The following NXPH1 variants were observed in gnomAD, a reference collection of about 807,000 sequenced individuals.
NXPH1 encodes the protein neurexophilin-1.
In NXPH1, 5 loss-of-function variants were observed where a neutral mutation model predicts 23.7. The ratio of observed to expected loss-of-function variants is 0.21; its 90% CI spans 0.11 to 0.44. NXPH1 has a LOEUF of 0.44. NXPH1 is among the 20% of genes least tolerant of loss of function. The probability of loss-of-function intolerance (pLI) is 0.99; values close to 1 mark genes in which losing one functional copy is unlikely to be tolerated. For synonymous variants in NXPH1, 144 were observed against 122.2 expected, an observed-to-expected ratio of 1.18 and a Z score of -1.18; for missense variants, 324 against 321.6, an observed-to-expected ratio of 1.01 and a Z score of -0.06.
chr7:8,709,188 T>C (rs1219907554), intron 2 of NXPH1, among the ~76,000 whole-genome samples: 6 of 152,368 alleles, frequency 3.9e-5, no homozygotes, highest in Non-Finnish European at 7.4e-5. Context: ...GTTGATCTCA[T>C]TTCCCTATCT....
intron 2 of NXPH1, among the ~76,000 whole-genome samples, chr7:8,491,514 A>C (rs1817247384): frequency 6.6e-6 from 1 of 152,060 alleles, no homozygotes; most frequent in Non-Finnish European, 1.5e-5. Flanking sequence ...TTACATCACG[A>C]TCTCCATTTG....
At position 8,751,169 on chromosome 7, in the gene NXPH1, G is replaced by T; in HGVS notation, c.216G>T (p.Leu72Phe). The stretch of plus-strand genomic sequence containing the variant: ...GTGGCAAAGAGAATGATACAGATTT[G>T]GACCTGAGATATGACACCCCAGAAC... ...TFRGKENDTD[L>F]DLRYDTPEPY... Residue 72 changes from leucine to phenylalanine, a missense_variant, in exon 3 of 3, where the codon TTG (leucine) becomes TTT (phenylalanine). By Grantham distance (22) the Leu-to-Phe change is conservative. Coordinates refer to ENST00000405863, the MANE Select transcript of NXPH1 (RefSeq NM_152745.3). This position sits in a 1 kb window ranked among gnomAD's most constrained non-coding sequence, Gnocchi z 4.5. 1 of 1,613,814 alleles carries T rather than the reference G, an allele frequency of 6.2e-7. No homozygotes were observed. The highest frequency in any genetic ancestry group is 8.5e-7 in the Non-Finnish European group (1 of 1,179,808).
In NXPH1 at chr7:8,435,692, A is replaced by G. The variant is rs753570908; in HGVS notation, c.-22A>G. On this transcript the variant is annotated 5_prime_UTR_variant, in exon 2 of 3. Coordinates refer to ENST00000405863, the MANE Select transcript of NXPH1 (RefSeq NM_152745.3). This position sits in a 1 kb window ranked among gnomAD's most constrained non-coding sequence, Gnocchi z 5.9. ...CAAAGACTCAAAGAAGGCACCGCCA[A>G]GGAAGTTTGAGACGCGGGAGAATGC... 5 of 1,613,242 alleles carry G rather than the reference A, an allele frequency of 3.1e-6. No homozygotes were observed. The highest frequency in any genetic ancestry group is 1.7e-5 in the Admixed American group (1 of 60,024).
chr7:8,692,003 T>C (rs1482956618), intron 2 of NXPH1, among the ~76,000 whole-genome samples: 1 of 151,962 alleles, frequency 6.6e-6, no homozygotes, highest in Non-Finnish European at 1.5e-5. Flanking sequence ...GAGATACTTT[T>C]CTAGTCTGTA....
intron 2 of NXPH1, among the ~76,000 whole-genome samples, chr7:8,681,885 T>C (rs1378289047): frequency 6.6e-6 from 1 of 152,202 alleles, no homozygotes; most frequent in Non-Finnish European, 1.5e-5. Context: ...CCAGCCCATA[T>C]GTGCGTCATT....
intron 2 of NXPH1, among the ~76,000 whole-genome samples, chr7:8,603,363 A>G (rs1583185834): frequency 6.6e-6 from 1 of 152,144 alleles, no homozygotes; most frequent in Non-Finnish European, 1.5e-5. Context: ...GTTCTTAGTG[A>G]CCTCAATAGC....
intron 2 of NXPH1, among the ~76,000 whole-genome samples, chr7:8,684,296 C>T (rs1286391357): frequency 6.6e-6 from 1 of 152,160 alleles, no homozygotes; most frequent in Non-Finnish European, 1.5e-5. Flanking sequence ...TGTTTCCTCA[C>T]ACCAGAGCTT....
At chr7:8,559,934 GAT>G (rs2128620605) in intron 2 of NXPH1, among the ~76,000 whole-genome samples, 1 of 151,786 alleles carries the variant, frequency 6.6e-6, no homozygotes, top group East Asian at 2.0e-4. Flanking sequence ...TGACATGAAA[GAT>G]TGCCAGAATC....
chr7:8,434,106 AC>A lies in NXPH1; in HGVS notation c.-758del. 6.6e-6 allele frequency: 1 copy of A among 152,266 alleles called. No homozygotes were observed. Among genetic ancestry groups the A allele is most frequent in the East Asian group, 1.9e-4 (1 of 5,156 alleles). 9.4% of individuals were successfully genotyped at this position (152,266 alleles called of 1,614,324 possible). A position where few individuals can be genotyped will look rare whatever the true frequency, so the allele number is the denominator to read the frequency against. On this transcript the variant is annotated 5_prime_UTR_variant, in exon 1 of 3. Transcript: ENST00000405863. This position sits in a 1 kb window ranked among gnomAD's most constrained non-coding sequence, Gnocchi z 7.6. The stretch of plus-strand genomic sequence containing the variant: ...GACAGCGCCCGGGACTCCACTGGGG[AC>A]CGGCTCCTGGGCTTCCCAGCGTCGC...
chr7:8,528,869 A>G (rs1047929496), intron 2 of NXPH1, among the ~76,000 whole-genome samples: 1 of 152,224 alleles, frequency 6.6e-6, no homozygotes, highest in African/African-American at 2.4e-5. Context: ...GCAGTTTAAA[A>G]CAACACATAT....
chr7:8,634,676 T>G (rs59335844), intron 2 of NXPH1, among the ~76,000 whole-genome samples: 82 of 82,014 alleles, frequency 1.0e-3, no homozygotes, highest in Non-Finnish European at 1.2e-3. Context: ...TTTTTTTTTT[T>G]TTTTTTTTTT....
At chr7:8,749,913 T>C (rs1027762963) in intron 2 of NXPH1, among the ~76,000 whole-genome samples, 16 of 152,206 alleles carry the variant, frequency 1.1e-4, no homozygotes, top group African/African-American at 3.9e-4. Flanking sequence ...AGTGTGGTCA[T>C]TGTGGCCACT....
rs1425194567 is a variant in NXPH1 at position 8,554,200 on chromosome 7, G to C, written c.54+118433G>C. ...AAAAAATAAGACTATGCCAATGTTA[G>C]ATACTATCATTGCTTAGGTGTTAAC... On this transcript the variant is annotated intron_variant, in intron 2 of 2. Transcript: ENST00000405863. 2.0e-5 allele frequency among the ~76,000 whole-genome samples: 3 copies of C among 151,764 alleles called. 1 individual carries two copies. The highest frequency in any genetic ancestry group is 4.4e-5 in the Non-Finnish European group (3 of 67,728).
chr7:8,727,205 T>G (rs1357996255), intron 2 of NXPH1, among the ~76,000 whole-genome samples: 1 of 131,554 alleles, frequency 7.6e-6, no homozygotes, highest in Admixed American at 7.5e-5. Context: ...TCTTGTAAAT[T>G]TGTTTGAGTT....
intron 2 of NXPH1, among the ~76,000 whole-genome samples, chr7:8,532,892 G>C (rs959882398): frequency 6.6e-6 from 1 of 152,098 alleles, no homozygotes; most frequent in African/African-American, 2.4e-5. Context: ...AGGTTAGTGT[G>C]GGGGTAAATG....
At chr7:8,592,357 A>C (rs2128625530) in intron 2 of NXPH1, among the ~76,000 whole-genome samples, 1 of 152,114 alleles carries the variant, frequency 6.6e-6, no homozygotes, top group South Asian at 2.1e-4. Flanking sequence ...TAATCCATGC[A>C]TGACAGGTTT....
chr7:8,697,081 C>T (rs1186254832), intron 2 of NXPH1, among the ~76,000 whole-genome samples: 3 of 147,418 alleles, frequency 2.0e-5, no homozygotes, highest in African/African-American at 7.6e-5. Context: ...TCACTTGAGC[C>T]AGGGAGGCAG....
intron 2 of NXPH1, among the ~76,000 whole-genome samples, chr7:8,604,202 T>A (rs537091169): frequency 6.6e-6 from 1 of 152,278 alleles, no homozygotes; most frequent in South Asian, 2.1e-4. Context: ...TAAGAAGTGA[T>A]TGGGATTAAG....
chr7:8,457,893 A>C (rs779507895), intron 2 of NXPH1, among the ~76,000 whole-genome samples: 2 of 152,198 alleles, frequency 1.3e-5, no homozygotes, highest in Non-Finnish European at 2.9e-5. Context: ...AATTCAGCCC[A>C]ATTTCTTCAT....
Sources: allele counts gnomAD v4.1 joint callset (sites outside exome capture counted in the v4.1 genomes callset), GRCh38; gene constraint gnomAD v4.1.1; non-coding constraint Gnocchi (gnomAD v3.1); transcripts MANE v1.5; gene names NCBI Gene and HGNC (gene_info 2026-07-23, HGNC 2026-07-21).